SYT2: variants seen among roughly 807,000 people sequenced by gnomAD.
SYT2 encodes synaptotagmin 2, also known as synaptotagmin-2.
Under a neutral mutation model 39.9 loss-of-function variants are expected in SYT2, and 15 were observed. The ratio of observed to expected loss-of-function variants is 0.38; its 90% CI spans 0.25 to 0.58. The LOEUF (loss-of-function observed/expected upper bound fraction) is 0.58. Among genes scored for constraint, SYT2 ranks in the 20% least tolerant of loss-of-function variants. The pLI, the probability that SYT2 is intolerant of heterozygous loss-of-function variation, is 0.70. For synonymous variants in SYT2, 181 were observed against 204.5 expected, an observed-to-expected ratio of 0.89 and a Z score of 0.98; for missense variants, 389 against 530.3, an observed-to-expected ratio of 0.73 and a Z score of 2.62.
chr1:202,708,680 C>T (rs138502368), intron 1 of SYT2, among the ~76,000 whole-genome samples: 29 of 152,284 alleles, frequency 1.9e-4, no homozygotes, highest in South Asian at 4.1e-4. Context: ...CCCTGACACA[C>T]GCTGCAGCTT....
At chr1:202,677,123 CTG>C (rs1454002503) in intron 1 of SYT2, among the ~76,000 whole-genome samples, 1 of 152,208 alleles carries the variant, frequency 6.6e-6, no homozygotes, top group African/African-American at 2.4e-5. Context: ...GCCTGTGGAA[CTG>C]TGAGTTGATG....
At chr1:202,698,269 G>A (rs1654025062) in intron 1 of SYT2, among the ~76,000 whole-genome samples, 1 of 152,170 alleles carries the variant, frequency 6.6e-6, no homozygotes, top group African/African-American at 2.4e-5. Context: ...CAGCAGTACA[G>A]TCAAGGTTGG....
chr1:202,646,021 A>G (rs7544569), intron 1 of SYT2, among the ~76,000 whole-genome samples: 43,279 of 152,178 alleles, frequency 0.28, 6,473 homozygotes, highest in African/African-American at 0.33. Flanking sequence ...GGGAGCCCCC[A>G]AAGGGTGGAT....
intron 1 of SYT2, among the ~76,000 whole-genome samples, chr1:202,637,395 T>C (rs1037202400): frequency 1.3e-5 from 2 of 152,074 alleles, no homozygotes; most frequent in African/African-American, 2.4e-5. Flanking sequence ...CCAAAAACCA[T>C]GGACTAGGGG....
intron 1 of SYT2, among the ~76,000 whole-genome samples, chr1:202,635,626 T>G (rs908267175): frequency 1.3e-5 from 2 of 152,118 alleles, no homozygotes; most frequent in African/African-American, 2.4e-5. Flanking sequence ...GAAGCAGACA[T>G]TTCTAAGGCC....
intron 1 of SYT2, among the ~76,000 whole-genome samples, chr1:202,619,467 C>T (rs525357): frequency 0.58 from 87,807 of 152,016 alleles, 26,304 homozygotes; most frequent in East Asian, 0.77. Flanking sequence ...GGAGAAGACA[C>T]ACAAGGGAAG....
In SYT2 at chr1:202,614,067, G is replaced by A. The variant is rs187105494; in HGVS notation, c.-17-8278C>T. ...GGCACCTGGAAGTGGCCCTGGCACCGTAGAGGGACCCAAGGTTCATGGTGG... is the reference window on the plus strand; with the variant it reads ...GGCACCTGGAAGTGGCCCTGGCACCATAGAGGGACCCAAGGTTCATGGTGG... On this transcript the variant is annotated intron_variant, in intron 1 of 8. Coordinates refer to ENST00000367268, the MANE Select transcript of SYT2 (RefSeq NM_177402.5). The surrounding 1 kb of genome is among the most constrained non-coding windows in gnomAD (Gnocchi z 4.0). Among the ~76,000 whole-genome samples the A allele has an allele frequency of 7.7e-4, 118 of 152,300 alleles. No homozygotes were observed. Among genetic ancestry groups the A allele is most frequent in the African/African-American group, 2.7e-3 (114 of 41,554 alleles).
chr1:202,695,981 C>A (rs1653964065), intron 1 of SYT2, among the ~76,000 whole-genome samples: 1 of 152,240 alleles, frequency 6.6e-6, no homozygotes, highest in African/African-American at 2.4e-5. Context: ...AGTTAGTGGA[C>A]TTTTCAGCCC....
intron 1 of SYT2, among the ~76,000 whole-genome samples, chr1:202,608,778 G>T (rs541164909): frequency 6.6e-6 from 1 of 152,006 alleles, no homozygotes; most frequent in Admixed American, 6.6e-5. Flanking sequence ...GTATGGAATT[G>T]CTGGGTCATA....
chr1:202,704,956 C>G (rs1237139463), intron 1 of SYT2, among the ~76,000 whole-genome samples: 2 of 152,206 alleles, frequency 1.3e-5, no homozygotes, highest in African/African-American at 4.8e-5. Context: ...TTCAATTCCT[C>G]CAAGGAATCA....
At chr1:202,702,027 TC>T (rs974764919) in intron 1 of SYT2, among the ~76,000 whole-genome samples, 1 of 152,136 alleles carries the variant, frequency 6.6e-6, no homozygotes, top group African/African-American at 2.4e-5. Context: ...CTCTGCCCCT[TC>T]CCCATTGCCT....
chr1:202,659,692 A>T (rs925937485), intron 1 of SYT2, among the ~76,000 whole-genome samples: 1 of 152,180 alleles, frequency 6.6e-6, no homozygotes, highest in Admixed American at 6.5e-5. Context: ...AGGGGCTGCG[A>T]GAGCCCCATC....
intron 1 of SYT2, among the ~76,000 whole-genome samples, chr1:202,674,630 C>T (rs1255305781): frequency 1.3e-5 from 2 of 152,138 alleles, no homozygotes; most frequent in African/African-American, 4.8e-5. Context: ...CTGTTACCAG[C>T]CTAAGGATTC....
At chr1:202,604,428 GT>G (rs777518631) in intron 3 of SYT2, 26 bp downstream of exon 3, 1 of 1,609,506 alleles carries the variant, frequency 6.2e-7, no homozygotes, top group Non-Finnish European at 8.5e-7. Flanking sequence ...GCCCCTTCCA[GT>G]CCCCCTCACA....
intron 1 of SYT2, among the ~76,000 whole-genome samples, chr1:202,683,641 T>C (rs1279812623): frequency 6.6e-6 from 1 of 150,884 alleles, no homozygotes; most frequent in African/African-American, 2.4e-5. Flanking sequence ...CTTGGGAGGC[T>C]GAGGTGGGAG....
In SYT2 at chr1:202,592,925, A is replaced by G. The variant is rs1007412350; in HGVS notation, c.*3832T>C. The G allele has an allele frequency of 2.0e-5, 3 of 152,218 alleles. No individual in the cohort carries two copies. The highest frequency in any genetic ancestry group is 2.0e-4 in the Admixed American group (3 of 15,288). 9.4% of individuals were successfully genotyped at this position (152,218 alleles called of 1,614,324 possible). ...GCCTAGGACATATTTACACTTAATA[A>G]TTGTTTGTTGTTGAACTGAAATTCA... On this transcript the variant is annotated 3_prime_UTR_variant, in exon 9 of 9. Coordinates refer to ENST00000367268, the MANE Select transcript of SYT2 (RefSeq NM_177402.5).
chr1:202,636,343 C>T, intron 1 of SYT2: 1 of 985,282 alleles, frequency 1.0e-6, no homozygotes, highest in Non-Finnish European at 1.2e-6. Flanking sequence ...GCCCAACATG[C>T]CAGGACCTCA....
At chr1:202,646,842 ACT>A (rs1283442049) in intron 1 of SYT2, among the ~76,000 whole-genome samples, 1 of 150,804 alleles carries the variant, frequency 6.6e-6, no homozygotes, top group Non-Finnish European at 1.5e-5. Context: ...CTGACCCCCA[ACT>A]CTCTCTCCTC....
intron 1 of SYT2, among the ~76,000 whole-genome samples, chr1:202,674,909 T>C (rs886833114): frequency 4.4e-5 from 2 of 45,736 alleles, no homozygotes; most frequent in African/African-American, 8.2e-5. Context: ...ATAATCTCAA[T>C]GTCATGATCT....
Sources: allele counts gnomAD v4.1 joint callset (sites outside exome capture counted in the v4.1 genomes callset), GRCh38; gene constraint gnomAD v4.1.1; non-coding constraint Gnocchi (gnomAD v3.1); transcripts MANE v1.5; gene names NCBI Gene and HGNC (gene_info 2026-07-23, HGNC 2026-07-21).